Variants in PPP1R14C observed in about 807,000 individuals in gnomAD.
The protein encoded by PPP1R14C is protein phosphatase 1 regulatory subunit 14C.
PPP1R14C carries 16 observed loss-of-function variants against 20.4 expected under a neutral mutation model. That is an observed-to-expected ratio of 0.78 (90% CI 0.53 to 1.19). The LOEUF (loss-of-function observed/expected upper bound fraction) is 1.19, where lower values mean the gene tolerates loss of function less well. Among genes scored for constraint, PPP1R14C ranks in the 50% most tolerant of loss-of-function variants. The probability of loss-of-function intolerance (pLI) is 0.00; values close to 1 mark genes in which losing one functional copy is unlikely to be tolerated. For synonymous variants in PPP1R14C, 91 were observed against 91.0 expected (o/e 1.00, Z 0.00); for missense variants, 211 against 220.1 (o/e 0.96, Z 0.26).
At chr6:150,247,533 T>C (rs906045237) in intron 3 of PPP1R14C, among the ~76,000 whole-genome samples, 2 of 152,220 alleles carry the variant, frequency 1.3e-5, no homozygotes, top group African/African-American at 4.8e-5. Context: ...GAGTCTTCCC[T>C]AGCATTACTT....
At chr6:150,216,896 G>T (rs758682970) in intron 3 of PPP1R14C, 40 bp downstream of exon 3, 4 of 1,533,706 alleles carry the variant, frequency 2.6e-6, no homozygotes, top group Non-Finnish European at 3.6e-6. Context: ...GTTTGAACTG[G>T]TTTTTATTAA....
intron 1 of PPP1R14C, among the ~76,000 whole-genome samples, chr6:150,155,691 C>T (rs1020416103): frequency 6.6e-6 from 1 of 152,106 alleles, no homozygotes; most frequent in African/African-American, 2.4e-5. Context: ...TGTTATTTCT[C>T]AAGTGAACCA....
rs559133227 is a variant in PPP1R14C at position 150,201,085 on chromosome 6, A to G, written c.307-13659A>G. Among the ~76,000 whole-genome samples the G allele has an allele frequency of 3.3e-5, 5 of 152,350 alleles. No homozygotes were observed. In the East Asian group the frequency reaches 7.7e-4, roughly 24 times the overall value. On this transcript the variant is annotated intron_variant, in intron 1 of 3. Coordinates refer to ENST00000361131, the MANE Select transcript of PPP1R14C (RefSeq NM_030949.3). The surrounding 1 kb of genome is among the most constrained non-coding windows in gnomAD (Gnocchi z 4.2). ...GGTCAGATTGTCCAGGTTTGGAACT[A>G]AGGAAGCGATCGGCCCTATTGGGCA...
At chr6:150,222,042 A>C (rs1324899855) in intron 3 of PPP1R14C, among the ~76,000 whole-genome samples, 2 of 149,996 alleles carry the variant, frequency 1.3e-5, no homozygotes, top group African/African-American at 5.0e-5. Flanking sequence ...CCAGCAGTCC[A>C]CCTGCCTGGG....
intron 3 of PPP1R14C, among the ~76,000 whole-genome samples, chr6:150,234,170 T>A (rs948781936): frequency 6.6e-6 from 1 of 151,544 alleles, no homozygotes; most frequent in Non-Finnish European, 1.5e-5. Context: ...CTTGAAAAAC[T>A]CCCCCCAAAA....
chr6:150,164,223 C>CT lies in PPP1R14C; in HGVS notation c.306+20725_306+20726insT, dbSNP rs1444743158. 2.6e-5 allele frequency among the ~76,000 whole-genome samples: 4 copies of CT among 152,238 alleles called. No homozygotes were observed. The South Asian group carries it at 6.2e-4, about 24-fold the overall frequency. On this transcript the variant is annotated intron_variant, in intron 1 of 3. Coordinates refer to ENST00000361131, the MANE Select transcript of PPP1R14C (RefSeq NM_030949.3). ...TTTTGCCCATTTCAAAGAGAAAAAACAACAACTTTGGGTTTGGGTTGTCTT... is the reference window on the plus strand; with the variant it reads ...TTTTGCCCATTTCAAAGAGAAAAAACTAACAACTTTGGGTTTGGGTTGTCTT...
chr6:150,199,000 CT>C (rs557858473), intron 1 of PPP1R14C, among the ~76,000 whole-genome samples: 1,480 of 146,256 alleles, frequency 0.01, 14 homozygotes, highest in African/African-American at 0.029. Flanking sequence ...TAGGCTTCTT[CT>C]TTTTTTTTTT....
intron 1 of PPP1R14C, among the ~76,000 whole-genome samples, chr6:150,173,661 T>G (rs1421020996): frequency 2.0e-5 from 3 of 152,208 alleles, no homozygotes; most frequent in Non-Finnish European, 4.4e-5. Flanking sequence ...TGAGGATGCC[T>G]GGTTCTCACT....
At chr6:150,197,551 G>T (rs1189221459) in intron 1 of PPP1R14C, among the ~76,000 whole-genome samples, 1 of 152,266 alleles carries the variant, frequency 6.6e-6, no homozygotes, top group African/African-American at 2.4e-5. Flanking sequence ...GCACATTGCT[G>T]ATTTCCAGGC....
chr6:150,211,858 G>A lies in PPP1R14C; in HGVS notation c.307-2886G>A, dbSNP rs565637873. Among the ~76,000 whole-genome samples, 7 of 152,320 alleles carry A rather than the reference G, an allele frequency of 4.6e-5. No homozygotes were observed. In the South Asian group the frequency reaches 1.5e-3, roughly 32 times the overall value. On this transcript the variant is annotated intron_variant, in intron 1 of 3. Transcript: ENST00000361131. ...CTTCCTATGCCTCTGATAAATCAGG[G>A]TGGGATTTCTGAGAAGCAGCATAGG...
At chr6:150,195,154 G>A in intron 1 of PPP1R14C, 2 of 984,774 alleles carry the variant, frequency 2.0e-6, no homozygotes, top group Non-Finnish European at 2.4e-6. Context: ...TTCAGAAAAT[G>A]AGTTTTATGG....
chr6:150,158,021 A>G (rs372154118), intron 1 of PPP1R14C, among the ~76,000 whole-genome samples: 16 of 152,200 alleles, frequency 1.1e-4, no homozygotes, highest in African/African-American at 3.9e-4. Flanking sequence ...GGCTTGGTCT[A>G]TCTAGAAGGA....
chr6:150,175,342 G>A (rs1179671017), intron 1 of PPP1R14C, among the ~76,000 whole-genome samples: 6 of 152,168 alleles, frequency 3.9e-5, no homozygotes, highest in Non-Finnish European at 8.8e-5. Context: ...CTGCTTCAGT[G>A]GGATCTCTTA....
intron 3 of PPP1R14C, among the ~76,000 whole-genome samples, chr6:150,224,509 G>C (rs572286634): frequency 1.3e-5 from 2 of 152,144 alleles, no homozygotes; most frequent in African/African-American, 4.8e-5. Flanking sequence ...TATTTCTGTC[G>C]AGATATCCTC....
chr6:150,235,597 G>A (rs943054895), intron 3 of PPP1R14C, among the ~76,000 whole-genome samples: 3 of 152,242 alleles, frequency 2.0e-5, no homozygotes, highest in African/African-American at 7.2e-5. Context: ...GTGCCAATGA[G>A]GAGAGTCTTG....
At chr6:150,228,730 G>A (rs1325650436) in intron 3 of PPP1R14C, among the ~76,000 whole-genome samples, 1 of 151,776 alleles carries the variant, frequency 6.6e-6, no homozygotes, top group Non-Finnish European at 1.5e-5. Flanking sequence ...ATATTCTAAG[G>A]GCTTAGAGCT....
chr6:150,150,930 C>T (rs963543066), intron 1 of PPP1R14C, among the ~76,000 whole-genome samples: 6 of 152,184 alleles, frequency 3.9e-5, no homozygotes, highest in Admixed American at 2.0e-4. Flanking sequence ...ACCGCACATG[C>T]CGCTCCGTCT....
At chr6:150,175,761 G>A (rs1777555044) in intron 1 of PPP1R14C, among the ~76,000 whole-genome samples, 1 of 152,178 alleles carries the variant, frequency 6.6e-6, no homozygotes, top group African/African-American at 2.4e-5. Context: ...GCTCTTGACT[G>A]TGCTAGGTAT....
intron 1 of PPP1R14C, among the ~76,000 whole-genome samples, chr6:150,144,309 C>CA (rs941814615): frequency 1.3e-5 from 2 of 152,242 alleles, no homozygotes; most frequent in Non-Finnish European, 2.9e-5. Context: ...CGTGACTTCC[C>CA]AAGGTCCAGG....
Sources: allele counts gnomAD v4.1 joint callset (sites outside exome capture counted in the v4.1 genomes callset), GRCh38; gene constraint gnomAD v4.1.1; non-coding constraint Gnocchi (gnomAD v3.1); transcripts MANE v1.5; gene names NCBI Gene and HGNC (gene_info 2026-07-23, HGNC 2026-07-21).